NFU1: variants seen among roughly 807,000 people sequenced by gnomAD.
NFU1 encodes NFU1 iron-sulfur cluster scaffold, also known as NFU1 iron-sulfur cluster scaffold homolog, mitochondrial.
A neutral mutation model predicts 32.2 loss-of-function variants in NFU1; 30 were observed. The ratio of observed to expected loss-of-function variants is 0.93; its 90% CI spans 0.70 to 1.26. NFU1 has a LOEUF of 1.26. Among genes scored for constraint, NFU1 ranks in the 50% most tolerant of loss-of-function variants. The pLI, the probability that NFU1 is intolerant of heterozygous loss-of-function variation, is 0.00. For missense variants in NFU1, 306 were observed against 306.6 expected, an observed-to-expected ratio of 1.00 and a Z score of 0.02; for synonymous variants, 112 against 104.6, an observed-to-expected ratio of 1.07 and a Z score of -0.43.
At chr2:69,437,164 C>T (rs1673870299) in intron 1 of NFU1, 197 bp downstream of exon 1, 13 of 1,240,920 alleles carry the variant, frequency 1.0e-5, no homozygotes, top group Middle Eastern at 4.2e-4. Flanking sequence ...AGAGTCCGCC[C>T]GGATTAGGCC....
At chr2:69,423,198 T>G (rs2104790965) in intron 3 of NFU1, among the ~76,000 whole-genome samples, 1 of 76,840 alleles carries the variant, frequency 1.3e-5, no homozygotes. Flanking sequence ...AGATGGGCTG[T>G]GTGTGTGTGT....
chr2:69,417,488 A>T (rs1673095104), intron 4 of NFU1, among the ~76,000 whole-genome samples: 1 of 142,988 alleles, frequency 7.0e-6, no homozygotes, highest in African/African-American at 2.7e-5. Context: ...ACAATAAAAA[A>T]AAATAAAAAA....
intron 5 of NFU1, among the ~76,000 whole-genome samples, chr2:69,409,948 T>A (rs142015851): frequency 6.6e-6 from 1 of 152,192 alleles, no homozygotes; most frequent in Non-Finnish European, 1.5e-5. Flanking sequence ...TATGCACATA[T>A]AAACGTTCGG....
In NFU1 at chr2:69,399,348, CATT is replaced by C. The variant is rs1365850897; in HGVS notation, c.720+1013_720+1015del. Reference sequence around the variant, plus strand: ...GGTTGAGAATCACTGCAGTGAGACTCATTATTACTGATGACAAGGTGCTGTGTT... The same window carrying C: ...GGTTGAGAATCACTGCAGTGAGACTCATTACTGATGACAAGGTGCTGTGTT... On this transcript the variant is annotated intron_variant, in intron 7 of 7. Coordinates refer to ENST00000410022, the MANE Select transcript of NFU1 (RefSeq NM_001002755.4). 1.5e-5 allele frequency: 7 copies of C among 455,562 alleles called. No individual in the cohort carries two copies. In the East Asian group the frequency reaches 4.9e-4, roughly 32 times the overall value. The allele number at this position is 455,562 out of a possible 1,614,324, so 28.2% of individuals were successfully genotyped here.
At chr2:69,418,511 G>A (rs181194014) in intron 4 of NFU1, among the ~76,000 whole-genome samples, 137 of 152,206 alleles carry the variant, frequency 9.0e-4, no homozygotes, top group African/African-American at 3.0e-3. Context: ...CTGTCGCCCA[G>A]GCTGGAGTGC....
At chr2:69,436,637 A>G (rs1448660377) in intron 1 of NFU1, among the ~76,000 whole-genome samples, 5 of 152,336 alleles carry the variant, frequency 3.3e-5, no homozygotes, top group Non-Finnish European at 7.3e-5. Flanking sequence ...AAACTTCAAG[A>G]GCACCATTAA....
intron 2 of NFU1, among the ~76,000 whole-genome samples, chr2:69,426,506 G>A (rs184646028): frequency 1.9e-3 from 287 of 151,726 alleles, no homozygotes; most frequent in Non-Finnish European, 2.7e-3. Context: ...GGCTAATCTC[G>A]AACTCCTGAC....
In NFU1 at chr2:69,423,207, G is replaced by A. The variant is rs1248128430; in HGVS notation, c.302+375C>T. On this transcript the variant is annotated intron_variant, in intron 3 of 7. Coordinates refer to ENST00000410022, the MANE Select transcript of NFU1 (RefSeq NM_001002755.4). ...GTGGTGAGATGGGCTGTGTGTGTGT[G>A]TGGGGGGGGGCGGGTAGAGATGGGC... 5.1e-5 allele frequency among the ~76,000 whole-genome samples: 5 copies of A among 97,936 alleles called. No individual in the cohort carries two copies. In the Admixed American group the frequency reaches 5.3e-4, roughly 10 times the overall value. 64.2% of individuals were successfully genotyped at this position (97,936 alleles called of 152,430 possible).
At chr2:69,409,897 AG>A (rs1672820786) in intron 5 of NFU1, among the ~76,000 whole-genome samples, 1 of 152,200 alleles carries the variant, frequency 6.6e-6, no homozygotes, top group African/African-American at 2.4e-5. Context: ...TGATATTTGG[AG>A]GGGACAAGTG....
intron 5 of NFU1, among the ~76,000 whole-genome samples, chr2:69,409,791 C>T (rs1320242216): frequency 6.6e-6 from 1 of 152,116 alleles, no homozygotes; most frequent in Non-Finnish European, 1.5e-5. Flanking sequence ...TCCGGCTCTT[C>T]GAGAGGGCAT....
At chr2:69,431,210 A>G (rs535538555) in intron 2 of NFU1, among the ~76,000 whole-genome samples, 1 of 152,218 alleles carries the variant, frequency 6.6e-6, no homozygotes, top group Admixed American at 6.5e-5. Context: ...TAAGGTCTGG[A>G]TGAAAGCCAG....
At chr2:69,425,294 G>A (rs1244848845) in intron 2 of NFU1, among the ~76,000 whole-genome samples, 1 of 151,802 alleles carries the variant, frequency 6.6e-6, no homozygotes, top group African/African-American at 2.4e-5. Context: ...GTAAAGTGCT[G>A]GGATTACAGG....
At chr2:69,397,618 T>TAAA (rs34318442) in intron 7 of NFU1, among the ~76,000 whole-genome samples, 5,604 of 150,876 alleles carry the variant, frequency 0.037, 227 homozygotes, top group East Asian at 0.18. Context: ...TTTTTTTTTT[T>TAAA]AAAAAAAATC....
chr2:69,402,704 C>A (rs1396408488), intron 6 of NFU1, among the ~76,000 whole-genome samples: 1 of 152,092 alleles, frequency 6.6e-6, no homozygotes, highest in Admixed American at 6.6e-5. Context: ...GCCTCAGCCT[C>A]CCGAGTAGCT....
intron 5 of NFU1, among the ~76,000 whole-genome samples, chr2:69,409,511 A>T (rs1173383492): frequency 6.6e-6 from 1 of 152,216 alleles, no homozygotes; most frequent in Non-Finnish European, 1.5e-5. Context: ...GTCATAGTCT[A>T]TTTAGTGTTG....
At chr2:69,423,383 G>A (rs1379834680) in intron 3 of NFU1, among the ~76,000 whole-genome samples, 199 bp downstream of exon 3, 1 of 151,178 alleles carries the variant, frequency 6.6e-6, no homozygotes, top group African/African-American at 2.4e-5. Flanking sequence ...GCCTTCCAAA[G>A]TGTTAGGATT....
chr2:69,413,449 A>G (rs1361049677), intron 5 of NFU1, among the ~76,000 whole-genome samples: 1 of 151,946 alleles, frequency 6.6e-6, no homozygotes, highest in African/African-American at 2.4e-5. Flanking sequence ...TAGCAATTCC[A>G]CTTTTAGGAA....
upstream of NFU1, chr2:69,437,612 GCCGGGGAACCTTTCC>G (rs1558860199): frequency 7.0e-6 from 5 of 710,848 alleles, no homozygotes; most frequent in Non-Finnish European, 7.4e-6. Context: ...ACCAAGAGAG[GCCGGGGAACCTTTCC>G]CGTTTGCGCC....
chr2:69,419,120 C>A (rs771038216), intron 4 of NFU1, among the ~76,000 whole-genome samples: 7 of 151,968 alleles, frequency 4.6e-5, no homozygotes. Flanking sequence ...TCTAGACCAG[C>A]CTGGCCAACA....
Sources: gnomAD v4.1 joint callset for allele counts (sites outside exome capture counted in the v4.1 genomes callset) on GRCh38, gnomAD v4.1.1 for gene constraint, MANE v1.5 for transcripts, NCBI Gene and HGNC (gene_info 2026-07-23, HGNC 2026-07-21) for gene names.